EPSTI1: variants seen among roughly 807,000 people sequenced by gnomAD.
EPSTI1 encodes epithelial-stromal interaction protein 1.
A neutral mutation model predicts 49.9 loss-of-function variants in EPSTI1; 66 were observed. That is an observed-to-expected ratio of 1.32 (90% confidence interval 1.08 to 1.62). The LOEUF (loss-of-function observed/expected upper bound fraction) is 1.62. Among genes scored for constraint, EPSTI1 ranks in the 40% most tolerant of loss-of-function variants. EPSTI1 has a pLI of 0.00. For synonymous variants in EPSTI1, 137 were observed against 130.7 expected, an observed-to-expected ratio of 1.05 and a Z score of -0.33; for missense variants, 394 against 365.5, an observed-to-expected ratio of 1.08 and a Z score of -0.64.
At chr13:42,982,106 C>G (rs904347812) in intron 1 of EPSTI1, among the ~76,000 whole-genome samples, 5 of 152,158 alleles carry the variant, frequency 3.3e-5, no homozygotes, top group Admixed American at 3.3e-4. Flanking sequence ...ACAGTTAAGG[C>G]ATTCTAAGTC....
At chr13:42,923,422 G>A (rs187062944) in intron 7 of EPSTI1, among the ~76,000 whole-genome samples, 204 of 152,276 alleles carry the variant, frequency 1.3e-3, no homozygotes, top group South Asian at 8.5e-3. Flanking sequence ...TTAGCTGGGC[G>A]TGGGGGTGCG....
At chr13:42,970,479 T>TAAAAAAA in intron 2 of EPSTI1, 133 bp downstream of exon 2, 3 of 698,318 alleles carry the variant, frequency 4.3e-6, no homozygotes, top group South Asian at 2.7e-5. Flanking sequence ...TAATCAAAAC[T>TAAAAAAA]AAAAAAAACA....
intron 3 of EPSTI1, among the ~76,000 whole-genome samples, chr13:42,968,776 G>T (rs1239481601): frequency 6.6e-6 from 1 of 151,924 alleles, no homozygotes; most frequent in East Asian, 1.9e-4. Context: ...CTATGACAGG[G>T]CATATGCAGC....
intron 7 of EPSTI1, among the ~76,000 whole-genome samples, chr13:42,918,819 G>A (rs954035414): frequency 6.6e-6 from 1 of 152,160 alleles, no homozygotes; most frequent in Non-Finnish European, 1.5e-5. Context: ...AGACATAGAA[G>A]GGGAAAAGTG....
At chr13:42,899,486 G>T (rs1413198504) in intron 9 of EPSTI1, among the ~76,000 whole-genome samples, 4 of 152,122 alleles carry the variant, frequency 2.6e-5, no homozygotes, top group Non-Finnish European at 4.4e-5. Context: ...TCAGAACAGG[G>T]AGCTTCCACT....
intron 8 of EPSTI1, among the ~76,000 whole-genome samples, chr13:42,902,497 G>A (rs1352457262): frequency 2.0e-5 from 3 of 152,096 alleles, no homozygotes; most frequent in African/African-American, 4.8e-5. Context: ...CAGTCTACTA[G>A]TCTGTTCTTT....
Position 42,926,341 on chromosome 13 carries a change from T to C in EPSTI1, c.652A>G (p.Thr218Ala). ...QSAVCGPQSSTWARSWAYRDS... is the reference protein window; with the variant it reads ...QSAVCGPQSSAWARSWAYRDS... ...CTGCAAAGTAATTCACTTACCCATG[T>C]TGAGGATTGTGGGCCACAAACAGCA... is the stretch of plus-strand genomic sequence containing the variant. Residue 218 changes from threonine to alanine, a missense_variant, in exon 7 of 11, where the codon ACA (threonine) becomes GCA (alanine). By Grantham distance (58) the Thr-to-Ala change is moderately conservative. Transcript: ENST00000313624. The C allele has an allele frequency of 6.3e-7, 1 of 1,594,692 alleles. No homozygotes were observed. The highest frequency in any genetic ancestry group is 8.6e-7 in the Non-Finnish European group (1 of 1,162,262).
chr13:42,963,629 G>A (rs2039524451), intron 4 of EPSTI1: 2 of 365,938 alleles, frequency 5.5e-6, no homozygotes, highest in Non-Finnish European at 4.8e-6. Flanking sequence ...GTGTGTGTGT[G>A]TATTGGGGAG....
intron 7 of EPSTI1, among the ~76,000 whole-genome samples, chr13:42,919,609 G>A (rs2037936394): frequency 6.6e-6 from 1 of 152,196 alleles, no homozygotes; most frequent in Non-Finnish European, 1.5e-5. Flanking sequence ...AGCATTTACA[G>A]CTTAGTGTGA....
chr13:42,916,475 A>G (rs1457565142), intron 8 of EPSTI1, among the ~76,000 whole-genome samples: 1 of 152,206 alleles, frequency 6.6e-6, no homozygotes, highest in Admixed American at 6.5e-5. Flanking sequence ...ACTGTTGGGA[A>G]GAAGATAGCA....
At chr13:42,892,405 T>C (rs891743777) in intron 10 of EPSTI1, among the ~76,000 whole-genome samples, 23 of 152,088 alleles carry the variant, frequency 1.5e-4, no homozygotes, top group Non-Finnish European at 3.2e-4. Context: ...AGCAGGATAA[T>C]GATGATAAGG....
intron 5 of EPSTI1, among the ~76,000 whole-genome samples, chr13:42,959,602 A>G (rs998806742): frequency 1.3e-5 from 2 of 152,168 alleles, no homozygotes. Context: ...GTTAGTTCCT[A>G]CTTCACCGTA....
intron 7 of EPSTI1, among the ~76,000 whole-genome samples, chr13:42,923,804 A>T (rs931480450): frequency 6.6e-6 from 1 of 152,234 alleles, no homozygotes; most frequent in Non-Finnish European, 1.5e-5. Context: ...TTTTTCTTGT[A>T]ATCTTTTACA....
intron 4 of EPSTI1, 55 bp downstream of exon 4, chr13:42,964,011 A>C: frequency 3.5e-6 from 5 of 1,436,236 alleles, no homozygotes; most frequent in South Asian, 1.2e-5. Context: ...GTTACTTGTA[A>C]GAGCTGGTAC....
intron 7 of EPSTI1, among the ~76,000 whole-genome samples, chr13:42,918,267 AGTTC>A (rs2153418509): frequency 6.6e-6 from 1 of 152,316 alleles, no homozygotes; most frequent in Non-Finnish European, 1.5e-5. Context: ...ACCACACCAG[AGTTC>A]CACACCCTGG....
At chr13:42,888,858 A>G (rs532182967) in intron 10 of EPSTI1, among the ~76,000 whole-genome samples, 1 of 152,292 alleles carries the variant, frequency 6.6e-6, no homozygotes, top group East Asian at 1.9e-4. Flanking sequence ...AGCAATTTAA[A>G]TGGAAATGTC....
At chr13:42,912,322 T>C (rs2037710745) in intron 8 of EPSTI1, among the ~76,000 whole-genome samples, 2 of 152,200 alleles carry the variant, frequency 1.3e-5, no homozygotes, top group South Asian at 4.1e-4. Flanking sequence ...GGTGGTGGGT[T>C]CTTTTCCCTC....
intron 6 of EPSTI1, among the ~76,000 whole-genome samples, chr13:42,949,889 T>A (rs2039044711): frequency 1.3e-5 from 2 of 152,140 alleles, no homozygotes; most frequent in South Asian, 4.1e-4. Flanking sequence ...ATTAAAATTT[T>A]AAATGCTGAG....
chr13:42,967,444 G>T (rs947777655), intron 3 of EPSTI1, among the ~76,000 whole-genome samples: 1 of 152,174 alleles, frequency 6.6e-6, no homozygotes, highest in Non-Finnish European at 1.5e-5. Flanking sequence ...CTCAAGAAGA[G>T]GTAGCTACAT....
Sources: allele counts gnomAD v4.1 joint callset (sites outside exome capture counted in the v4.1 genomes callset), GRCh38; gene constraint gnomAD v4.1.1; transcripts MANE v1.5; gene names NCBI Gene and HGNC (gene_info 2026-07-23, HGNC 2026-07-21).